Variants in WWTR1 observed in about 807,000 individuals in gnomAD.
WWTR1 encodes WW domain-containing transcription regulator protein 1.
WWTR1 carries 13 observed loss-of-function variants against 40.1 expected under a neutral mutation model. The ratio of observed to expected loss-of-function variants is 0.32; its 90% CI spans 0.21 to 0.52. WWTR1 has a LOEUF of 0.52. WWTR1 is among the 20% of genes least tolerant of loss of function. The probability of loss-of-function intolerance (pLI) is 0.97; values close to 1 mark genes in which losing one functional copy is unlikely to be tolerated. For synonymous variants in WWTR1, 230 were observed against 210.1 expected (o/e 1.09, Z -0.82); for missense variants, 436 against 523.1 (o/e 0.83, Z 1.63).
At chr3:149,593,645 G>A (rs375930230) in intron 2 of WWTR1, among the ~76,000 whole-genome samples, 1 of 152,086 alleles carries the variant, frequency 6.6e-6, no homozygotes, top group Non-Finnish European at 1.5e-5. Flanking sequence ...AACATTAAAC[G>A]ACTTATACAA....
intron 2 of WWTR1, among the ~76,000 whole-genome samples, chr3:149,646,972 T>C (rs563310626): frequency 1.3e-5 from 2 of 152,140 alleles, no homozygotes; most frequent in African/African-American, 2.4e-5. Flanking sequence ...TGGAATACTA[T>C]GTGGTCCTTA....
At chr3:149,628,231 G>A (rs940194781) in intron 2 of WWTR1, among the ~76,000 whole-genome samples, 9 of 151,126 alleles carry the variant, frequency 6.0e-5, no homozygotes, top group Non-Finnish European at 8.9e-5. Context: ...TTAGCTGGGC[G>A]TGGTGGCGGG....
At chr3:149,678,034 G>A (rs992775171) in intron 1 of WWTR1, among the ~76,000 whole-genome samples, 2 of 151,748 alleles carry the variant, frequency 1.3e-5, no homozygotes, top group Admixed American at 1.3e-4. Context: ...GCCTCTCAAA[G>A]TGCGGGGATT....
At chr3:149,614,855 C>A (rs534543640) in intron 2 of WWTR1, among the ~76,000 whole-genome samples, 1 of 152,160 alleles carries the variant, frequency 6.6e-6, no homozygotes, top group Admixed American at 6.5e-5. Context: ...TGGTGGCATG[C>A]ACCTGTAGTC....
intron 2 of WWTR1, among the ~76,000 whole-genome samples, chr3:149,604,840 A>G (rs1273691246): frequency 1.3e-5 from 2 of 152,250 alleles, no homozygotes; most frequent in Non-Finnish European, 2.9e-5. Context: ...AACCAGGCAT[A>G]GAGAAAGGCC....
At position 149,652,427 on chromosome 3, in the gene WWTR1, G is replaced by T. The variant is rs953726578; in HGVS notation, c.431+4449C>A. ...GCTTGAGGCCAGGAGTTTGAGACCA[G>T]CCTGGGCAGCATAGGAAACCCTGTC... On this transcript the variant is annotated intron_variant, in intron 2 of 6. Coordinates refer to ENST00000360632, the MANE Select transcript of WWTR1 (RefSeq NM_015472.6). Among the ~76,000 whole-genome samples the T allele has an allele frequency of 2.0e-5, 3 of 151,256 alleles. No homozygotes were observed. In the East Asian group the frequency reaches 5.9e-4, roughly 30 times the overall value.
chr3:149,577,338 T>C lies in WWTR1; in HGVS notation c.432-4338A>G, dbSNP rs539580789. Among the ~76,000 whole-genome samples, 108 of 152,184 alleles carry C rather than the reference T, an allele frequency of 7.1e-4. No homozygotes were observed. The Middle Eastern group carries it at 0.01, about 14-fold the overall frequency. On this transcript the variant is annotated intron_variant, in intron 2 of 6. Transcript: ENST00000360632. ...GAAAAGCTTTTCTTGACAGTAAACA[T>C]TTTTTTCCTCGACTTAAAAAAAAGA... is the stretch of plus-strand genomic sequence containing the variant.
At chr3:149,578,022 C>T (rs1737969409) in intron 2 of WWTR1, among the ~76,000 whole-genome samples, 1 of 120,986 alleles carries the variant, frequency 8.3e-6, no homozygotes, top group South Asian at 3.2e-4. Context: ...CCCACCCTCT[C>T]TGCCTGACAA....
intron 4 of WWTR1, among the ~76,000 whole-genome samples, chr3:149,718,279 C>G (rs926915366): frequency 6.6e-6 from 1 of 151,950 alleles, no homozygotes; most frequent in Non-Finnish European, 1.5e-5. Context: ...CTCAAGGAAG[C>G]AGATTAAGAA....
At chr3:149,569,371 G>A (rs1247454751) in intron 3 of WWTR1, among the ~76,000 whole-genome samples, 1 of 152,134 alleles carries the variant, frequency 6.6e-6, no homozygotes, top group Non-Finnish European at 1.5e-5. Context: ...GGCAATCATA[G>A]TTCTAAGCAC....
chr3:149,686,794 T>TAC (rs1240910144), intron 1 of WWTR1, among the ~76,000 whole-genome samples: 1 of 152,186 alleles, frequency 6.6e-6, no homozygotes, highest in Non-Finnish European at 1.5e-5. Flanking sequence ...CAAGACAGCA[T>TAC]AATCTAGCCC....
chr3:149,723,195 T>TC (rs1212756801), intron 4 of WWTR1, among the ~76,000 whole-genome samples: 1 of 144,290 alleles, frequency 6.9e-6, no homozygotes, highest in Non-Finnish European at 1.5e-5. Context: ...CTTTTTTTTT[T>TC]TTTTTTTTTT....
intron 2 of WWTR1, among the ~76,000 whole-genome samples, chr3:149,582,949 T>A (rs979708914): frequency 6.6e-6 from 1 of 152,152 alleles, no homozygotes; most frequent in Admixed American, 6.6e-5. Flanking sequence ...AGACGCTTTA[T>A]GAATGGTGAA....
chr3:149,675,280 T>A (rs1007100147), intron 1 of WWTR1, among the ~76,000 whole-genome samples: 2 of 152,142 alleles, frequency 1.3e-5, no homozygotes, highest in Non-Finnish European at 2.9e-5. Context: ...TTTTGGCCAA[T>A]GAGATGTGAG....
chr3:149,689,278 G>A (rs1714742657), intron 1 of WWTR1, among the ~76,000 whole-genome samples: 1 of 151,522 alleles, frequency 6.6e-6, no homozygotes, highest in East Asian at 1.9e-4. Flanking sequence ...CTACTTGGGA[G>A]GCTGAGGCAG....
intron 4 of WWTR1, among the ~76,000 whole-genome samples, chr3:149,538,288 A>C (rs138180157): frequency 5.9e-5 from 9 of 152,350 alleles, no homozygotes; most frequent in African/African-American, 2.2e-4. Context: ...AAAAAAATGA[A>C]GAGAAAGCAA....
chr3:149,571,016 A>C (rs141482605), intron 3 of WWTR1, among the ~76,000 whole-genome samples: 2 of 152,294 alleles, frequency 1.3e-5, no homozygotes, highest in African/African-American at 4.8e-5. Context: ...GCAAATTTTT[A>C]AAAGAATGAA....
intron 4 of WWTR1, among the ~76,000 whole-genome samples, chr3:149,531,831 C>T (rs899177908): frequency 3.9e-5 from 6 of 152,178 alleles, no homozygotes; most frequent in African/African-American, 1.4e-4. Flanking sequence ...ATGTTCACTC[C>T]TGTACCCAAC....
intron 2 of WWTR1, among the ~76,000 whole-genome samples, chr3:149,577,112 G>C (rs1021705066): frequency 6.6e-6 from 1 of 152,112 alleles, no homozygotes; most frequent in African/African-American, 2.4e-5. Context: ...AGCCGAGATC[G>C]CACCATTGCA....
Sources: allele counts gnomAD v4.1 joint callset (sites outside exome capture counted in the v4.1 genomes callset), GRCh38; gene constraint gnomAD v4.1.1; transcripts MANE v1.5; gene names NCBI Gene and HGNC (gene_info 2026-07-23, HGNC 2026-07-21).